DNAH14: variants seen among roughly 807,000 people sequenced by gnomAD.
The protein encoded by DNAH14 is dynein axonemal heavy chain 14, also known as axonemal beta dynein heavy chain 14.
Under a neutral mutation model 520.9 loss-of-function variants are expected in DNAH14, and 478 were observed. That is an observed-to-expected ratio of 0.92 (90% CI 0.85 to 0.99). DNAH14 has a LOEUF of 0.99. Ranked by LOEUF, DNAH14 falls within the 50% of genes least tolerant of loss-of-function variation. The pLI is 0.00. For missense variants in DNAH14, 4,831 were observed against 5,234.5 expected (o/e 0.92, Z 2.38); for synonymous variants, 1,581 against 1,757.2 (o/e 0.90, Z 2.51).
chr1:225,325,760 C>T (rs2094649972), intron 64 of DNAH14, among the ~76,000 whole-genome samples: 1 of 152,076 alleles, frequency 6.6e-6, no homozygotes, highest in Non-Finnish European at 1.5e-5. Context: ...CCCCTCACCT[C>T]ATTTTGATAT....
At position 225,150,196 on chromosome 1, in the gene DNAH14, T is replaced by G. The variant is rs79439585; in HGVS notation, c.4941-1809T>G. On this transcript the variant is annotated intron_variant, in intron 31 of 85. Coordinates refer to ENST00000682510, the MANE Select transcript of DNAH14 (RefSeq NM_001367479.1). ...AGTTTTGTTTATGTAATGAATATATTTATTGATTTGCATATATTGAACCAA... is the reference window on the plus strand; with the variant it reads ...AGTTTTGTTTATGTAATGAATATATGTATTGATTTGCATATATTGAACCAA... Among the ~76,000 whole-genome samples, 10 of 152,304 alleles carry G rather than the reference T, an allele frequency of 6.6e-5. No individual in the cohort carries two copies. In the South Asian group the frequency reaches 2.1e-3, roughly 32 times the overall value.
At chr1:225,114,199 G>T (rs1326635065) in intron 23 of DNAH14, among the ~76,000 whole-genome samples, 1 of 152,164 alleles carries the variant, frequency 6.6e-6, no homozygotes, top group East Asian at 1.9e-4. Context: ...TAGTTAGCAG[G>T]TGATGAATCC....
chr1:225,036,017 T>C (rs2066928819), intron 11 of DNAH14, among the ~76,000 whole-genome samples: 1 of 152,168 alleles, frequency 6.6e-6, no homozygotes, highest in East Asian at 1.9e-4. Context: ...GAAAGAAACA[T>C]GAAAGGCGGC....
rs1486207131 is a variant in DNAH14, at chr1:225,360,735, C to T, written c.11831C>T (p.Thr3944Ile). 6.4e-7 allele frequency: 1 copy of T among 1,551,712 alleles called. No individual in the cohort carries two copies. Among genetic ancestry groups the T allele is most frequent in the East Asian group, 2.4e-5 (1 of 40,916 alleles). The change falls in exon 75 of 86, where the codon ACA becomes ATA. Residue 3944 changes from threonine to isoleucine, a missense_variant. Thr to Ile is a moderately conservative substitution (Grantham distance 89). Coordinates refer to ENST00000682510, the MANE Select transcript of DNAH14 (RefSeq NM_001367479.1). Reference sequence around the variant, plus strand: ...TTTGCACAAGAGTTAAAAGGAACAACACATCATGTGACCATAATTTCTCTG... The same window carrying T: ...TTTGCACAAGAGTTAAAAGGAACAATACATCATGTGACCATAATTTCTCTG... ...LRFAQELKGTTHHVTIISLGR... is the reference protein window; with the variant it reads ...LRFAQELKGTIHHVTIISLGR...
chr1:225,255,895 G>A (rs1283049748), intron 44 of DNAH14, among the ~76,000 whole-genome samples: 2 of 152,098 alleles, frequency 1.3e-5, no homozygotes, highest in African/African-American at 2.4e-5. Flanking sequence ...AAAGAACCAA[G>A]TAGACCTTCT....
At chr1:225,122,301 A>G (rs1016309423) in intron 26 of DNAH14, among the ~76,000 whole-genome samples, 3 of 152,156 alleles carry the variant, frequency 2.0e-5, no homozygotes, top group African/African-American at 7.2e-5. Context: ...ACTAGTTTCT[A>G]ACTACAACAA....
rs1053000763 is a variant in DNAH14, at chr1:225,171,081, G to A, written c.5535+3053G>A. The stretch of plus-strand genomic sequence containing the variant: ...GTTCTTTGAAACCAATGAGAACAAA[G>A]ACACAGCATACCAGAGTCTCTGGGA... On this transcript the variant is annotated intron_variant, in intron 36 of 85. Transcript: ENST00000682510. Among the ~76,000 whole-genome samples, 34 of 152,202 alleles carry A rather than the reference G, an allele frequency of 2.2e-4. 1 individual carries two copies. The highest frequency in any genetic ancestry group is 9.8e-4 in the Admixed American group (15 of 15,290).
At chr1:225,188,558 C>A (rs2085027708) in intron 37 of DNAH14, among the ~76,000 whole-genome samples, 1 of 151,822 alleles carries the variant, frequency 6.6e-6, no homozygotes, top group South Asian at 2.1e-4. Flanking sequence ...CCACTAGGTG[C>A]CTTGGAATGT....
intron 1 of DNAH14, among the ~76,000 whole-genome samples, chr1:224,950,884 ACTT>A (rs781138044): frequency 1.6e-4 from 24 of 152,204 alleles, no homozygotes; most frequent in Admixed American, 5.9e-4. Flanking sequence ...AAAAAAAAAT[ACTT>A]AATTATTATT....
intron 8 of DNAH14, among the ~76,000 whole-genome samples, chr1:224,989,069 A>C (rs1294791501): frequency 6.6e-6 from 1 of 152,162 alleles, no homozygotes; most frequent in South Asian, 2.1e-4. Flanking sequence ...TAATATCTTC[A>C]CAATGGTAAT....
At chr1:225,133,116 T>TA (rs777662776) in intron 27 of DNAH14, among the ~76,000 whole-genome samples, 4 of 152,188 alleles carry the variant, frequency 2.6e-5, no homozygotes, top group Non-Finnish European at 4.4e-5. Context: ...AAATTCTGGG[T>TA]ATTAGCCCTT....
chr1:225,355,363 C>T (rs549640854), intron 73 of DNAH14, among the ~76,000 whole-genome samples: 1 of 152,282 alleles, frequency 6.6e-6, no homozygotes, highest in East Asian at 1.9e-4. Context: ...CAGCCTGAAA[C>T]TCCTGCCTCA....
At chr1:225,337,216 G>C (rs1230577188) in intron 66 of DNAH14, 50 bp from the exon 67 acceptor site, 9 of 1,425,262 alleles carry the variant, frequency 6.3e-6, no homozygotes, top group Admixed American at 4.0e-5. Context: ...GGATACTAAA[G>C]ATGTGAAGAC....
At chr1:225,374,166 T>TA (rs1392199829) in intron 77 of DNAH14, among the ~76,000 whole-genome samples, 5 of 76,158 alleles carry the variant, frequency 6.6e-5, no homozygotes, top group Non-Finnish European at 1.2e-4. Context: ...TATATATATA[T>TA]ATATATATAT....
chr1:224,996,033 C>T (rs960543658), intron 8 of DNAH14, among the ~76,000 whole-genome samples: 30 of 152,146 alleles, frequency 2.0e-4, no homozygotes, highest in African/African-American at 6.5e-4. Context: ...TAATAGGTTT[C>T]CACTTCTTTA....
At chr1:225,343,336 GA>G (rs2095230330) in intron 69 of DNAH14, among the ~76,000 whole-genome samples, 1 of 152,178 alleles carries the variant, frequency 6.6e-6, no homozygotes, top group African/African-American at 2.4e-5. Context: ...TTAGTTTGGG[GA>G]AATGATTAAG....
chr1:225,345,205 C>G (rs2095268478), intron 69 of DNAH14, among the ~76,000 whole-genome samples: 1 of 152,118 alleles, frequency 6.6e-6, no homozygotes. Flanking sequence ...TCATTATTCC[C>G]AGCAATGGTC....
chr1:225,321,589 C>T (rs894694289), intron 61 of DNAH14, among the ~76,000 whole-genome samples: 8 of 152,290 alleles, frequency 5.3e-5, no homozygotes, highest in African/African-American at 1.9e-4. Context: ...TGTGGACCTA[C>T]CCTGCCTTGT....
rs910644150 is a variant in DNAH14 at position 225,145,486 on chromosome 1, C to T, written c.4794+107C>T. 11 of 850,184 alleles carry T rather than the reference C, an allele frequency of 1.3e-5. No homozygotes were observed. In the African/African-American group the frequency reaches 1.9e-4, roughly 15 times the overall value. 52.7% of individuals were successfully genotyped at this position (850,184 alleles called of 1,614,324 possible). A position where few individuals can be genotyped will look rare whatever the true frequency, so the allele number is the denominator to read the frequency against. On this transcript the variant is annotated intron_variant, in intron 30 of 85. Coordinates refer to ENST00000682510, the MANE Select transcript of DNAH14 (RefSeq NM_001367479.1). Reference sequence around the variant, plus strand: ...AAAAATATTTATCTGAGACAAACATCAAGTATTAACAGAACTTTAAATGCT... The same window carrying T: ...AAAAATATTTATCTGAGACAAACATTAAGTATTAACAGAACTTTAAATGCT...
Sources: allele counts gnomAD v4.1 joint callset (sites outside exome capture counted in the v4.1 genomes callset), GRCh38; gene constraint gnomAD v4.1.1; transcripts MANE v1.5; gene names NCBI Gene and HGNC (gene_info 2026-07-23, HGNC 2026-07-21).